Variants in ARHGAP44 observed in about 807,000 individuals in gnomAD.
The protein encoded by ARHGAP44 is Rho GTPase activating protein 44, also known as rho GTPase-activating protein 44.
ARHGAP44 carries 43 observed loss-of-function variants against 106.8 expected under a neutral mutation model. The observed-to-expected ratio is 0.40, with a 90% confidence interval of 0.32 to 0.52. The LOEUF (loss-of-function observed/expected upper bound fraction) is 0.52, where lower values mean the gene tolerates loss of function less well. Ranked by LOEUF, ARHGAP44 falls within the 20% of genes least tolerant of loss-of-function variation. ARHGAP44 has a pLI of 0.48. For missense variants in ARHGAP44, 866 were observed against 1,050.5 expected (o/e 0.82, Z 2.43); for synonymous variants, 439 against 410.3 (o/e 1.07, Z -0.85).
chr17:12,954,827 T>C (rs1261393101), intron 13 of ARHGAP44, among the ~76,000 whole-genome samples: 1 of 152,176 alleles, frequency 6.6e-6, no homozygotes. Flanking sequence ...TCTATATAGC[T>C]TCTTTGTTGG....
At position 12,990,424 on chromosome 17, in the gene ARHGAP44, CTT is replaced by C. The variant is rs1165787998; in HGVS notation, c.*256_*257del. 4 of 443,274 alleles carry C rather than the reference CTT, an allele frequency of 9.0e-6. No individual in the cohort carries two copies. In the Admixed American group the frequency reaches 1.0e-4, roughly 11 times the overall value. The allele number at this position is 443,274 out of a possible 1,614,324, so 27.5% of individuals were successfully genotyped here. On this transcript the variant is annotated 3_prime_UTR_variant, in exon 21 of 21. Transcript: ENST00000379672. ...ACCTTTGCCTTTTGACTTTGTGCCT[CTT>C]TTGATCCACTTTCAGCCTCCATGCC...
chr17:12,937,971 T>C lies in ARHGAP44; in HGVS notation c.583-3085T>C, dbSNP rs1056626777. 1.4e-4 allele frequency among the ~76,000 whole-genome samples: 22 copies of C among 152,190 alleles called. No homozygotes were observed. In the East Asian group the frequency reaches 3.3e-3, roughly 23 times the overall value. ...CAGAAATTAGGTGGGTGTGGTGGCA[T>C]GTCCCTGTAGTCCCAGCTCAGGAGG... On this transcript the variant is annotated intron_variant, in intron 7 of 20. Coordinates refer to ENST00000379672, the MANE Select transcript of ARHGAP44 (RefSeq NM_014859.6).
intron 19 of ARHGAP44, 185 bp from the exon 20 acceptor site, chr17:12,984,346 A>T (rs2039903650): frequency 4.0e-6 from 2 of 501,858 alleles, no homozygotes; most frequent in Non-Finnish European, 3.2e-6. Flanking sequence ...GTTAATTTTT[A>T]AAAATTGTAT....
At chr17:12,965,050 A>G (rs1036016955) in intron 16 of ARHGAP44, among the ~76,000 whole-genome samples, 31 of 151,896 alleles carry the variant, frequency 2.0e-4, no homozygotes, top group Non-Finnish European at 2.5e-4. Flanking sequence ...TGGCTTGTCC[A>G]TCTGTTCTGT....
rs375698185 is a variant in ARHGAP44 at position 12,835,925 on chromosome 17, C to A, written c.53+46034C>A. The stretch of plus-strand genomic sequence containing the variant: ...CCTTTTTGTGTCTGGCGTATCATTT[C>A]ATTTAGCATAATATCCTCAAGTTTT... On this transcript the variant is annotated intron_variant, in intron 1 of 20. Coordinates refer to ENST00000379672, the MANE Select transcript of ARHGAP44 (RefSeq NM_014859.6). 1.4e-3 allele frequency among the ~76,000 whole-genome samples: 219 copies of A among 152,272 alleles called. 1 individual carries two copies. The highest frequency in any genetic ancestry group is 5.1e-3 in the African/African-American group (212 of 41,554).
At chr17:12,875,481 G>C (rs1169249676) in intron 1 of ARHGAP44, among the ~76,000 whole-genome samples, 3 of 151,926 alleles carry the variant, frequency 2.0e-5, no homozygotes, top group Non-Finnish European at 4.4e-5. Context: ...GTAGTCCCCA[G>C]CTCGGGAGGC....
chr17:12,985,039 G>A, intron 20 of ARHGAP44, 131 bp downstream of exon 20: 1 of 1,215,830 alleles, frequency 8.2e-7, no homozygotes, highest in Non-Finnish European at 1.1e-6. Context: ...TGGCACCAGG[G>A]GTAGCTCATA....
At chr17:12,947,147 T>C (rs2038872324) in intron 10 of ARHGAP44, among the ~76,000 whole-genome samples, 1 of 152,206 alleles carries the variant, frequency 6.6e-6, no homozygotes, top group South Asian at 2.1e-4. Context: ...TCTCAACATT[T>C]GCAGCTCCTG....
chr17:12,810,526 G>A lies in ARHGAP44; in HGVS notation c.53+20635G>A, dbSNP rs117219244. Among the ~76,000 whole-genome samples the A allele has an allele frequency of 2.3e-3, 357 of 152,250 alleles. 1 individual carries two copies. Among genetic ancestry groups the A allele is most frequent in the Non-Finnish European group, 3.4e-3 (229 of 68,008 alleles). Reference sequence around the variant, plus strand: ...CAGAAAGGACAACCATGTGACAAATGGGTTAGAACTTTGAGTCACCCCAAC... The same window carrying A: ...CAGAAAGGACAACCATGTGACAAATAGGTTAGAACTTTGAGTCACCCCAAC... On this transcript the variant is annotated intron_variant, in intron 1 of 20. Coordinates refer to ENST00000379672, the MANE Select transcript of ARHGAP44 (RefSeq NM_014859.6).
intron 16 of ARHGAP44, among the ~76,000 whole-genome samples, chr17:12,971,891 G>A (rs1338397248): frequency 6.6e-6 from 1 of 152,178 alleles, no homozygotes. Context: ...CCATGCCAGT[G>A]TGTGCTTGGT....
Position 12,924,785 on chromosome 17 carries a change from C to T in ARHGAP44, c.465-4144C>T, listed in dbSNP as rs9635676. 2.9e-3 allele frequency among the ~76,000 whole-genome samples: 445 copies of T among 152,258 alleles called. 8 individuals are homozygous for T. In the East Asian group the frequency reaches 0.056, roughly 19 times the overall value. ...TGAGGACAGAAACAGCAGCCATCTG[C>T]AAGTCACAGATAGAGGTCTCCAGCC... is the stretch of plus-strand genomic sequence containing the variant. On this transcript the variant is annotated intron_variant, in intron 6 of 20. Transcript: ENST00000379672.
At chr17:12,809,215 T>C (rs1409848874) in intron 1 of ARHGAP44, among the ~76,000 whole-genome samples, 1 of 152,250 alleles carries the variant, frequency 6.6e-6, no homozygotes, top group Non-Finnish European at 1.5e-5. Flanking sequence ...TGTCCTCTTC[T>C]GAGTCCTCCA....
intron 18 of ARHGAP44, among the ~76,000 whole-genome samples, chr17:12,978,110 T>C (rs1325191158): frequency 1.4e-5 from 2 of 147,630 alleles, no homozygotes; most frequent in African/African-American, 5.0e-5. Context: ...ATTCCTTGGA[T>C]AGATGTGTGT....
chr17:12,908,351 C>T (rs2037625769), intron 3 of ARHGAP44, among the ~76,000 whole-genome samples: 1 of 152,010 alleles, frequency 6.6e-6, no homozygotes, highest in Non-Finnish European at 1.5e-5. Context: ...CATGCACCAC[C>T]ACACCCAGTT....
At chr17:12,918,163 G>A (rs1365710366) in intron 5 of ARHGAP44, among the ~76,000 whole-genome samples, 1 of 152,208 alleles carries the variant, frequency 6.6e-6, no homozygotes, top group Non-Finnish European at 1.5e-5. Context: ...CGTTGTGGGT[G>A]CTGACAGTCA....
chr17:12,868,166 C>T (rs748226787), intron 1 of ARHGAP44, among the ~76,000 whole-genome samples: 23 of 152,152 alleles, frequency 1.5e-4, no homozygotes, highest in Non-Finnish European at 2.6e-4. Flanking sequence ...TCGTTTTCCT[C>T]TGAGGGCTCT....
At chr17:12,844,671 T>G (rs2035512247) in intron 1 of ARHGAP44, among the ~76,000 whole-genome samples, 1 of 152,242 alleles carries the variant, frequency 6.6e-6, no homozygotes, top group African/African-American at 2.4e-5. Context: ...GTGTAGAATA[T>G]GTCTTGTCCT....
rs1555553546 is a variant in ARHGAP44, at chr17:12,903,126, G to GGAGAGA, written c.199-5761_199-5756dup. On this transcript the variant is annotated intron_variant, in intron 3 of 20. Transcript: ENST00000379672. Reference sequence around the variant, plus strand: ...AGAGAGAGAGAGAGAGAGAGAGAGAGGAGAGAGAGAGAGAGTGTGTGTGTG... The same window carrying GGAGAGA: ...AGAGAGAGAGAGAGAGAGAGAGAGAGGAGAGAGAGAGAGAGAGAGAGTGTGTGTGTG... 3.7e-3 allele frequency among the ~76,000 whole-genome samples: 259 copies of GGAGAGA among 70,446 alleles called. 1 individual carries two copies. Among genetic ancestry groups the GGAGAGA allele is most frequent in the East Asian group, 0.017 (23 of 1,334 alleles). The allele number at this position is 70,446 out of a possible 152,430, so 46.2% of individuals were successfully genotyped here. A position where few individuals can be genotyped will look rare whatever the true frequency, so the allele number is the denominator to read the frequency against.
intron 3 of ARHGAP44, among the ~76,000 whole-genome samples, chr17:12,900,455 A>C (rs561646024): frequency 1.3e-5 from 2 of 152,312 alleles, no homozygotes; most frequent in Admixed American, 1.3e-4. Context: ...GTCCTGGATA[A>C]TAACTGGTTA....
Sources: gnomAD v4.1 joint callset for allele counts (sites outside exome capture counted in the v4.1 genomes callset) on GRCh38, gnomAD v4.1.1 for gene constraint, MANE v1.5 for transcripts, NCBI Gene and HGNC (gene_info 2026-07-23, HGNC 2026-07-21) for gene names.